Variants in ZDBF2 observed in about 807,000 individuals in gnomAD.
ZDBF2 encodes the protein DBF4-type zinc finger-containing protein 2.
Under a neutral mutation model 9.4 loss-of-function variants are expected in ZDBF2, and 6 were observed. The observed-to-expected ratio is 0.64, with a 90% confidence interval of 0.35 to 1.27. The LOEUF (loss-of-function observed/expected upper bound fraction) is 1.27. ZDBF2 is among the 50% of genes most tolerant of loss of function. ZDBF2 has a pLI of 0.03. For synonymous variants in ZDBF2, 905 were observed against 946.3 expected (o/e 0.96, Z 0.80); for missense variants, 2,697 against 2,766.8 (o/e 0.97, Z 0.57).
intron 3 of ZDBF2, among the ~76,000 whole-genome samples, chr2:206,283,037 C>T (rs1205272391): frequency 6.6e-6 from 1 of 152,256 alleles, no homozygotes; most frequent in African/African-American, 2.4e-5. Context: ...CTGTAACATG[C>T]ATCACGACCT....
chr2:206,289,479 CTT>C (rs1691774657), intron 3 of ZDBF2, among the ~76,000 whole-genome samples: 1 of 40,052 alleles, frequency 2.5e-5, no homozygotes, highest in Non-Finnish European at 8.9e-5. Flanking sequence ...AGTGGCTTCA[CTT>C]CTTCTTGGTT....
Position 206,309,010 on chromosome 2 carries a change from T to C in ZDBF2, c.4482T>C (p.Ser1494=), listed in dbSNP as rs757711685. 6.2e-7 allele frequency: 1 copy of C among 1,613,856 alleles called. No homozygotes were observed. Among genetic ancestry groups the C allele is most frequent in the South Asian group, 1.1e-5 (1 of 91,072 alleles). Residue 1494 remains serine, a synonymous_variant, in exon 5 of 5, where the codon AGT becomes AGC. Transcript: ENST00000374423. The part of the protein sequence containing the change: ...VVMEEKTDQP[S]DSEMMYDSDV... ...TGGAAGAAAAGACCGATCAACCTAG[T>C]GATTCAGAAATGATGTATGATTCTG...
At chr2:206,299,806 A>T (rs1240600166) in intron 4 of ZDBF2, among the ~76,000 whole-genome samples, 4 of 143,156 alleles carry the variant, frequency 2.8e-5, no homozygotes, top group African/African-American at 1.0e-4. Context: ...CTTGGCCTCT[A>T]AAAAAAAAAA....
Position 206,310,703 on chromosome 2 carries a change from C to G in ZDBF2, c.6175C>G (p.Gln2059Glu). 1 of 1,613,336 alleles carries G rather than the reference C, an allele frequency of 6.2e-7. No individual in the cohort carries two copies. The highest frequency in any genetic ancestry group is 8.5e-7 in the Non-Finnish European group (1 of 1,179,732). ...TGATTATTATGAGCCCTTGATTAAG[C>G]AAATTGTAATTAGTCCTCCCCTGAG... ...IFDYYEPLIK[Q>E]IVISPPLSVI... Residue 2059 changes from glutamine (Q) to glutamate (E), a missense_variant, in exon 5 of 5, where the codon CAA (glutamine) becomes GAA (glutamate). Around this residue, in one of 3 missense-constraint regions of ZDBF2, gnomAD observed 1,783 missense variants for 1,776.5 expected, o/e 1.00. Transcript: ENST00000374423.
In ZDBF2 at chr2:206,310,719, C is replaced by G. The variant is rs756714167; in HGVS notation, c.6191C>G (p.Pro2064Arg). ...TTGATTAAGCAAATTGTAATTAGTC[C>G]TCCCCTGAGTGTAATAGTACCAGAG... ...EPLIKQIVIS[P>R]PLSVIVPEFE... Residue 2064 changes from proline to arginine, a missense_variant, in exon 5 of 5, where the codon CCT becomes CGT. Pro to Arg is a moderately radical substitution (Grantham distance 103). This residue lies in a region of ZDBF2 where 1,783 missense variants were observed against 1,776.5 expected (regional missense o/e 1.00). Transcript: ENST00000374423. 2.5e-6 allele frequency: 4 copies of G among 1,613,350 alleles called. No individual in the cohort carries two copies. Among genetic ancestry groups the G allele is most frequent in the Middle Eastern group, 1.6e-4 (1 of 6,082 alleles).
chr2:206,276,488 G>A (rs1691010592), intron 1 of ZDBF2, among the ~76,000 whole-genome samples: 2 of 152,194 alleles, frequency 1.3e-5, no homozygotes, highest in South Asian at 2.1e-4. Context: ...TGGAATAGTG[G>A]TGATGTTGAT....
intron 1 of ZDBF2, among the ~76,000 whole-genome samples, chr2:206,277,553 G>A (rs1406825808): frequency 6.6e-6 from 1 of 151,956 alleles, no homozygotes; most frequent in East Asian, 1.9e-4. Context: ...TATTTGCAAA[G>A]TACTTAACTG....
Position 206,305,989 on chromosome 2 carries a change from T to G in ZDBF2, c.1461T>G (p.Tyr487Ter). Residue 487 changes from tyrosine (Y) to a stop codon, truncating the protein, a stop_gained, in exon 5 of 5, where the codon TAT (tyrosine) becomes TAG (stop). Transcript: ENST00000374423. LOFTEE classifies it low-confidence loss of function (END_TRUNC). The stretch of plus-strand genomic sequence containing the variant: ...ATATTAGCCTGGTTGACCAAAGCTA[T>G]GAATCTAGTAGTTCTGAAACGAATT... ...ARHISLVDQSYESSSSETNFD... is the reference protein window; with the variant it reads ...ARHISLVDQS 1 of 1,613,324 alleles carries G rather than the reference T, an allele frequency of 6.2e-7. No homozygotes were observed. Among genetic ancestry groups the G allele is most frequent in the Non-Finnish European group, 8.5e-7 (1 of 1,179,536 alleles).
At chr2:206,283,157 A>C (rs186334438) in intron 3 of ZDBF2, among the ~76,000 whole-genome samples, 1 of 152,236 alleles carries the variant, frequency 6.6e-6, no homozygotes, top group Non-Finnish European at 1.5e-5. Context: ...GACTGTTATG[A>C]ATAGTGCTGC....
At chr2:206,283,592 A>C (rs993420268) in intron 3 of ZDBF2, among the ~76,000 whole-genome samples, 2 of 152,112 alleles carry the variant, frequency 1.3e-5, no homozygotes, top group African/African-American at 4.8e-5. Context: ...AAGTCTTTAT[A>C]TATTTTGGAT....
At chr2:206,297,894 TG>T (rs1177230106) in intron 4 of ZDBF2, among the ~76,000 whole-genome samples, 1 of 152,208 alleles carries the variant, frequency 6.6e-6, no homozygotes, top group African/African-American at 2.4e-5. Context: ...TTGGTCAGGC[TG>T]GTCTCGAATT....
At chr2:206,299,618 G>GC (rs1365650339) in intron 4 of ZDBF2, among the ~76,000 whole-genome samples, 8 of 151,702 alleles carry the variant, frequency 5.3e-5, no homozygotes, top group African/African-American at 1.9e-4. Flanking sequence ...GGGTGACAGA[G>GC]CTAGACTCCT....
Position 206,310,277 on chromosome 2 carries a change from T to C in ZDBF2, c.5749T>C (p.Cys1917Arg). The change falls in exon 5 of 5, where the codon TGC becomes CGC. Residue 1917 changes from cysteine to arginine, a missense_variant. Physicochemically the swap from Cys to Arg is radical, Grantham distance 180 (BLOSUM62 -3). Transcript: ENST00000374423. ...DDLSVALDKPCHRHPPAERPP... is the reference protein window; with the variant it reads ...DDLSVALDKPRHRHPPAERPP... ...CTTGTCAGTGGCCTTAGATAAACCA[T>C]GCCATCGTCATCCTCCAGCAGAGAG... 3.7e-6 allele frequency: 6 copies of C among 1,613,942 alleles called. No homozygotes were observed. Among genetic ancestry groups the C allele is most frequent in the Non-Finnish European group, 5.1e-6 (6 of 1,179,882 alleles).
chr2:206,296,442 A>G (rs1692182565), intron 3 of ZDBF2, among the ~76,000 whole-genome samples: 1 of 152,198 alleles, frequency 6.6e-6, no homozygotes, highest in Non-Finnish European at 1.5e-5. Flanking sequence ...TTATTACAGT[A>G]TATTGTTATA....
intron 3 of ZDBF2, among the ~76,000 whole-genome samples, chr2:206,284,053 C>G (rs1691474123): frequency 6.6e-6 from 1 of 152,128 alleles, no homozygotes; most frequent in South Asian, 2.1e-4. Flanking sequence ...GAAGGGTTGC[C>G]TAATCTCAGG....
intron 3 of ZDBF2, among the ~76,000 whole-genome samples, chr2:206,284,078 C>G (rs897201968): frequency 1.8e-4 from 27 of 152,024 alleles, no homozygotes; most frequent in Admixed American, 1.8e-3. Flanking sequence ...AAGATTTATG[C>G]CTATGTTTTC....
In ZDBF2 at chr2:206,307,396, A is replaced by G. The variant is rs940161964; in HGVS notation, c.2868A>G (p.Thr956=). ...TAGAAAATAAGAGTGTTTTTGAAAC[A>G]AGTTTGGATTCTGATGTCCCTCTTC... ...MYLENKSVFE[T]SLDSDVPLQA... Residue 956 remains threonine (T), a synonymous_variant, in exon 5 of 5, where the codon ACA becomes ACG. Transcript: ENST00000374423. 1.9e-6 allele frequency: 3 copies of G among 1,612,758 alleles called. No individual in the cohort carries two copies. In the African/African-American group the frequency reaches 4.0e-5, roughly 22 times the overall value.
intron 2 of ZDBF2, among the ~76,000 whole-genome samples, chr2:206,280,895 G>A (rs901111745): frequency 6.6e-6 from 1 of 152,068 alleles, no homozygotes; most frequent in African/African-American, 2.4e-5. Flanking sequence ...TAAATTAATT[G>A]AAATACAAAA....
At position 206,306,963 on chromosome 2, in the gene ZDBF2, A is replaced by G; in HGVS notation, c.2435A>G (p.Glu812Gly). ...CAACCTGAAGTAGCTGTTTATGAGG[A>G]AGAAACTGTTGATCTGGAAAGTAAA... ...IDQPEVAVYEEETVDLESKSN... is the reference protein window; with the variant it reads ...IDQPEVAVYEGETVDLESKSN... The change falls in exon 5 of 5, where the codon GAA becomes GGA. Residue 812 changes from glutamate (E) to glycine (G), a missense_variant. By Grantham distance (98) the Glu-to-Gly change is moderately conservative. Transcript: ENST00000374423. The G allele has an allele frequency of 1.2e-6, 2 of 1,613,668 alleles. No individual in the cohort carries two copies. Among genetic ancestry groups the G allele is most frequent in the African/African-American group, 1.3e-5 (1 of 75,040 alleles).
Sources: allele counts gnomAD v4.1 joint callset (sites outside exome capture counted in the v4.1 genomes callset), GRCh38; gene constraint gnomAD v4.1.1; regional missense constraint gnomAD v4.1.1; transcripts MANE v1.5; gene names NCBI Gene and HGNC (gene_info 2026-07-23, HGNC 2026-07-21).